The following HYDIN variants were observed in gnomAD, a reference collection of about 807,000 sequenced individuals.
HYDIN encodes HYDIN axonemal central pair apparatus protein, also known as axonemal central pair apparatus protein HYDIN.
Under a neutral mutation model 403.9 loss-of-function variants are expected in HYDIN, and 132 were observed. That is an observed-to-expected ratio of 0.33 (90% CI 0.28 to 0.38). The LOEUF (loss-of-function observed/expected upper bound fraction) is 0.38. Among genes scored for constraint, HYDIN ranks in the 10% least tolerant of loss-of-function variants. HYDIN has a pLI of 1.00. For synonymous variants in HYDIN, 1,202 were observed against 1,891.7 expected (o/e 0.64, Z 9.46); for missense variants, 2,827 against 5,009.5 (o/e 0.56, Z 13.15).
At chr16:71,116,495 G>A (rs577536504) in intron 9 of HYDIN, among the ~76,000 whole-genome samples, 14 of 152,054 alleles carry the variant, frequency 9.2e-5, no homozygotes, top group South Asian at 2.1e-4. Context: ...GAACATGGGG[G>A]TGCAGAGCTC....
chr16:70,892,314 G>C, intron 56 of HYDIN, 47 bp downstream of exon 56: 7 of 1,565,908 alleles, frequency 4.5e-6, no homozygotes, highest in Non-Finnish European at 6.0e-6. Flanking sequence ...AACAGGAGTC[G>C]TACGATCCTG....
rs577364799 is a variant in HYDIN at position 71,028,903 on chromosome 16, T to C, written c.2769-1028A>G. Among the ~76,000 whole-genome samples, 186 of 150,862 alleles carry C rather than the reference T, an allele frequency of 1.2e-3. 3 individuals are homozygous for C. The South Asian group carries it at 0.035, about 28-fold the overall frequency. The stretch of plus-strand genomic sequence containing the variant: ...ACATATACTGTTTATAAAAACCATA[T>C]ACTGTTTATAAAAAACACATACTGT... On this transcript the variant is annotated intron_variant, in intron 19 of 85. Transcript: ENST00000393567.
In HYDIN at chr16:71,064,720, A is replaced by C. The variant is rs2082198347; in HGVS notation, c.2196T>G (p.Tyr732Ter). 1 of 1,613,874 alleles carries C rather than the reference A, an allele frequency of 6.2e-7. No individual in the cohort carries two copies. Among genetic ancestry groups the C allele is most frequent in the African/African-American group, 1.3e-5 (1 of 74,914 alleles). ...LANQDDLPGF[Y>*]EVQPQVCEEV... ...AGGAACTCACCTGAGGCTGGACCTC[A>C]TAGAATCCTGGGAGGTCATCTTGAT... is the stretch of plus-strand genomic sequence containing the variant. The change falls in exon 16 of 86, where the codon TAT (tyrosine) becomes TAG (stop). Residue 732 changes from tyrosine to a stop codon, truncating the protein, a stop_gained. Transcript: ENST00000393567. LOFTEE classifies it high-confidence loss of function.
chr16:71,003,254 C>T (rs1283408668), intron 23 of HYDIN, among the ~76,000 whole-genome samples: 4 of 152,040 alleles, frequency 2.6e-5, no homozygotes, highest in Non-Finnish European at 5.9e-5. Context: ...TTAGGATCAA[C>T]CTGTCAGGAT....
intron 54 of HYDIN, 139 bp from the exon 55 acceptor site, chr16:70,894,687 GA>G (rs1367526148): frequency 1.7e-6 from 1 of 571,432 alleles, no homozygotes; most frequent in Non-Finnish European, 2.9e-6. Flanking sequence ...ACTGTGGCTA[GA>G]AAAGCCTCTT....
chr16:71,156,251 T>C (rs1366109256), intron 6 of HYDIN, among the ~76,000 whole-genome samples: 1 of 152,170 alleles, frequency 6.6e-6, no homozygotes, highest in African/African-American at 2.4e-5. Context: ...TTTGTGCTAA[T>C]CGTTGGGTTT....
intron 3 of HYDIN, among the ~76,000 whole-genome samples, chr16:71,182,251 G>A (rs2086936479): frequency 6.6e-6 from 1 of 152,108 alleles, no homozygotes; most frequent in African/African-American, 2.4e-5. Flanking sequence ...ATGAGTAATG[G>A]GAAGTCACTG....
chr16:71,212,781 A>G (rs1397687218), intron 1 of HYDIN, among the ~76,000 whole-genome samples: 1 of 152,150 alleles, frequency 6.6e-6, no homozygotes, highest in African/African-American at 2.4e-5. Flanking sequence ...ACATCTAACA[A>G]ATAACAACTG....
intron 75 of HYDIN, among the ~76,000 whole-genome samples, chr16:70,849,181 G>A (rs2038440377): frequency 6.6e-6 from 1 of 152,062 alleles, no homozygotes. Context: ...GCAGAGCTGG[G>A]ATGAGGGAGG....
intron 8 of HYDIN, among the ~76,000 whole-genome samples, chr16:71,130,044 C>T (rs2084642815): frequency 6.6e-6 from 1 of 151,980 alleles, no homozygotes; most frequent in African/African-American, 2.4e-5. Flanking sequence ...GAGATCCTCC[C>T]TGGATTCCTT....
At chr16:71,055,218 C>T (rs1205956936) in intron 18 of HYDIN, among the ~76,000 whole-genome samples, 4 of 152,294 alleles carry the variant, frequency 2.6e-5, no homozygotes, top group Admixed American at 6.5e-5. Flanking sequence ...GAAAGTCAGA[C>T]CACTGGGGCC....
chr16:71,032,799 C>G (rs1483108554), intron 18 of HYDIN, among the ~76,000 whole-genome samples: 1 of 65,742 alleles, frequency 1.5e-5, no homozygotes, highest in East Asian at 2.9e-4. Context: ...CTTTTGAGCT[C>G]TCTTCCAATT....
intron 8 of HYDIN, among the ~76,000 whole-genome samples, chr16:71,130,380 C>T (rs1403710186): frequency 6.6e-6 from 1 of 151,312 alleles, no homozygotes; most frequent in Non-Finnish European, 1.5e-5. Flanking sequence ...ACCACAGGAG[C>T]TGCTCCATCA....
At chr16:70,853,038 G>T (rs541114762) in intron 73 of HYDIN, among the ~76,000 whole-genome samples, 1 of 151,722 alleles carries the variant, frequency 6.6e-6, no homozygotes, top group African/African-American at 2.4e-5. Flanking sequence ...AAAATTAGCC[G>T]GGCATAGTGG....
At chr16:71,199,770 A>G (rs141811853) in intron 1 of HYDIN, among the ~76,000 whole-genome samples, 60 of 152,306 alleles carry the variant, frequency 3.9e-4, no homozygotes, top group Non-Finnish European at 6.8e-4. Context: ...GAACTTTCCA[A>G]TTCAGAAAAG....
At chr16:71,049,162 AG>A (rs1367718227) in intron 18 of HYDIN, among the ~76,000 whole-genome samples, 1 of 152,292 alleles carries the variant, frequency 6.6e-6, no homozygotes, top group Non-Finnish European at 1.5e-5. Context: ...ACTGGGCTCT[AG>A]GTTCTGAAAC....
At chr16:71,126,044 G>T (rs2084443128) in intron 9 of HYDIN, among the ~76,000 whole-genome samples, 1 of 152,078 alleles carries the variant, frequency 6.6e-6, no homozygotes. Flanking sequence ...GCACTCCATT[G>T]CTTGGAGAGT....
At chr16:70,948,044 T>C (rs12149267) in intron 41 of HYDIN, among the ~76,000 whole-genome samples, 1 of 151,500 alleles carries the variant, frequency 6.6e-6, no homozygotes, top group African/African-American at 2.4e-5. Context: ...TCATGCTACC[T>C]GACTTCAAAC....
At chr16:71,053,993 T>A (rs1247644950) in intron 18 of HYDIN, among the ~76,000 whole-genome samples, 1 of 152,266 alleles carries the variant, frequency 6.6e-6, no homozygotes, top group Non-Finnish European at 1.5e-5. Flanking sequence ...CTGACTTTTA[T>A]CATGCAACCT....
Sources: allele counts gnomAD v4.1 joint callset (sites outside exome capture counted in the v4.1 genomes callset), GRCh38; gene constraint gnomAD v4.1.1; transcripts MANE v1.5; gene names NCBI Gene and HGNC (gene_info 2026-07-23, HGNC 2026-07-21).